Variants in ESRRG observed in about 807,000 individuals in gnomAD.
The protein encoded by ESRRG is estrogen related receptor gamma.
A neutral mutation model predicts 44.0 loss-of-function variants in ESRRG; 13 were observed. The ratio of observed to expected loss-of-function variants is 0.30; its 90% CI spans 0.19 to 0.47. ESRRG has a LOEUF of 0.47. Ranked by LOEUF, ESRRG falls within the 20% of genes least tolerant of loss-of-function variation. The probability of loss-of-function intolerance (pLI) is 1.00; values close to 1 mark genes in which losing one functional copy is unlikely to be tolerated. For synonymous variants in ESRRG, 215 were observed against 214.6 expected, an observed-to-expected ratio of 1.00 and a Z score of -0.02; for missense variants, 395 against 580.6, an observed-to-expected ratio of 0.68 and a Z score of 3.29.
chr1:217,068,647 A>G (rs1285061249), intron 1 of ESRRG, among the ~76,000 whole-genome samples: 1 of 152,194 alleles, frequency 6.6e-6, no homozygotes, highest in Non-Finnish European at 1.5e-5. Context: ...GTATTATTAG[A>G]AGAAATACAT....
intron 1 of ESRRG, among the ~76,000 whole-genome samples, chr1:216,978,059 T>C (rs2073285118): frequency 6.6e-6 from 1 of 152,104 alleles, no homozygotes; most frequent in South Asian, 2.1e-4. Context: ...ATTTTCTTTA[T>C]AGATTATCTA....
intron 1 of ESRRG, among the ~76,000 whole-genome samples, chr1:216,986,381 A>T (rs1036765830): frequency 1.3e-5 from 2 of 152,098 alleles, no homozygotes; most frequent in Admixed American, 1.3e-4. Flanking sequence ...ATAGAGACGT[A>T]AACATGTGGC....
intron 1 of ESRRG, 88 bp from the exon 2 acceptor site, chr1:216,677,579 G>C (rs2076324102): frequency 9.1e-7 from 1 of 1,093,106 alleles, no homozygotes; most frequent in African/African-American, 1.6e-5. Context: ...AAGAGATGGT[G>C]AAAAATAGAG....
intron 1 of ESRRG, among the ~76,000 whole-genome samples, chr1:217,021,525 A>C (rs1466620062): frequency 6.6e-6 from 1 of 152,074 alleles, no homozygotes; most frequent in Non-Finnish European, 1.5e-5. Flanking sequence ...TGGAGCAAAA[A>C]CCTTGAAGGG....
intron 2 of ESRRG, among the ~76,000 whole-genome samples, chr1:216,938,376 A>G (rs2064528025): frequency 6.6e-6 from 1 of 152,186 alleles, no homozygotes; most frequent in African/African-American, 2.4e-5. Context: ...ACGCAAAACA[A>G]CAGATGATAT....
At chr1:216,984,048 T>TG (rs1188432575) in intron 1 of ESRRG, among the ~76,000 whole-genome samples, 627 of 48,626 alleles carry the variant, frequency 0.013, 2 homozygotes, top group South Asian at 0.016. Flanking sequence ...ATAATAAGAA[T>TG]GGGGGGGGGT....
At chr1:216,557,925 G>A (rs2057917571) in intron 5 of ESRRG, among the ~76,000 whole-genome samples, 2 of 152,132 alleles carry the variant, frequency 1.3e-5, no homozygotes, top group African/African-American at 2.4e-5. Context: ...TTGATCACAG[G>A]TATATAAGAG....
chr1:217,091,535 A>T (rs557574832), upstream of ESRRG, among the ~76,000 whole-genome samples: 40 of 152,362 alleles, frequency 2.6e-4, no homozygotes, highest in East Asian at 4.6e-3. Flanking sequence ...CAGAGACCAG[A>T]TGATCTGAAT....
At chr1:216,936,083 A>G (rs557355722) in intron 2 of ESRRG, among the ~76,000 whole-genome samples, 1 of 152,200 alleles carries the variant, frequency 6.6e-6, no homozygotes, top group African/African-American at 2.4e-5. Context: ...GAGCCCTCCA[A>G]AAGTCACCTC....
intron 2 of ESRRG, among the ~76,000 whole-genome samples, chr1:216,875,368 A>G (rs1227099135): frequency 1.3e-5 from 2 of 152,202 alleles, no homozygotes; most frequent in African/African-American, 2.4e-5. Flanking sequence ...GAGTCCCCTC[A>G]GACCCTCTAA....
intron 3 of ESRRG, among the ~76,000 whole-genome samples, chr1:216,603,586 CAG>C (rs1476993755): frequency 3.3e-5 from 5 of 152,150 alleles, no homozygotes; most frequent in Admixed American, 6.5e-5. Context: ...TCACTGACCT[CAG>C]TAATTTTCAA....
chr1:216,929,897 C>G (rs573994675), intron 2 of ESRRG, among the ~76,000 whole-genome samples: 30 of 152,252 alleles, frequency 2.0e-4, no homozygotes, highest in African/African-American at 6.3e-4. Context: ...TGCCATCAAC[C>G]TCCCCATGTT....
chr1:216,831,761 C>T (rs2095491000), intron 2 of ESRRG, among the ~76,000 whole-genome samples: 1 of 152,018 alleles, frequency 6.6e-6, no homozygotes, highest in African/African-American at 2.4e-5. Flanking sequence ...ACCAGGATTC[C>T]TGATTACTAA....
At chr1:216,915,051 C>T (rs1039419083) in intron 2 of ESRRG, among the ~76,000 whole-genome samples, 2 of 152,132 alleles carry the variant, frequency 1.3e-5, no homozygotes, top group African/African-American at 2.4e-5. Flanking sequence ...AGTATGTACA[C>T]GATTTCCAAA....
At chr1:216,530,523 T>C (rs1254520511) in intron 5 of ESRRG, among the ~76,000 whole-genome samples, 1 of 152,142 alleles carries the variant, frequency 6.6e-6, no homozygotes, top group Non-Finnish European at 1.5e-5. Context: ...CAAAAAGATC[T>C]TTGTGTAACT....
At chr1:216,555,422 A>G (rs2057329339) in intron 5 of ESRRG, among the ~76,000 whole-genome samples, 1 of 152,138 alleles carries the variant, frequency 6.6e-6, no homozygotes, top group Admixed American at 6.6e-5. Flanking sequence ...GTTTTCACGA[A>G]CTAATTTTGA....
intron 6 of ESRRG, among the ~76,000 whole-genome samples, chr1:216,513,182 G>A (rs758671540): frequency 6.6e-6 from 1 of 152,108 alleles, no homozygotes; most frequent in East Asian, 1.9e-4. Context: ...ATGTGTTTTT[G>A]TGTTTTCTTT....
intron 1 of ESRRG, among the ~76,000 whole-genome samples, chr1:216,989,752 G>A (rs2075403548): frequency 1.3e-5 from 2 of 152,102 alleles, no homozygotes; most frequent in South Asian, 4.1e-4. Flanking sequence ...CAGGCAATAT[G>A]ACTTGGTTTC....
intron 1 of ESRRG, among the ~76,000 whole-genome samples, chr1:216,980,660 C>G (rs2073805762): frequency 6.6e-6 from 1 of 152,106 alleles, no homozygotes; most frequent in African/African-American, 2.4e-5. Context: ...TTCCAAGGGG[C>G]TGTTTCTGTA....
Sources: gnomAD v4.1 joint callset for allele counts (sites outside exome capture counted in the v4.1 genomes callset) on GRCh38, gnomAD v4.1.1 for gene constraint, MANE v1.5 for transcripts, NCBI Gene and HGNC (gene_info 2026-07-23, HGNC 2026-07-21) for gene names.